Variants in METTL15 observed in about 807,000 individuals in gnomAD.
The protein encoded by METTL15 is 12S rRNA N(4)-cytidine methyltransferase METTL15.
In METTL15, 34 loss-of-function variants were observed where a neutral mutation model predicts 38.3. The ratio of observed to expected loss-of-function variants is 0.89; its 90% CI spans 0.68 to 1.18. The LOEUF (loss-of-function observed/expected upper bound fraction) is 1.18, where lower values mean the gene tolerates loss of function less well. Ranked by LOEUF, METTL15 falls within the 50% of genes most tolerant of loss-of-function variation. The pLI is 0.00. For missense variants in METTL15, 438 were observed against 498.4 expected, an observed-to-expected ratio of 0.88 and a Z score of 1.15; for synonymous variants, 162 against 170.9, an observed-to-expected ratio of 0.95 and a Z score of 0.41.
At chr11:28,380,593 C>A (rs1195940959) in intron 5 of METTL15, among the ~76,000 whole-genome samples, 3 of 152,064 alleles carry the variant, frequency 2.0e-5, no homozygotes, top group Non-Finnish European at 2.9e-5. Context: ...TTTTCTCTAG[C>A]AGCATGTTTT....
At chr11:28,261,919 A>G (rs546411702) in intron 4 of METTL15, among the ~76,000 whole-genome samples, 3 of 152,204 alleles carry the variant, frequency 2.0e-5, no homozygotes, top group Non-Finnish European at 4.4e-5. Context: ...ATTGCTGTCT[A>G]TGTTTTTGTA....
chr11:28,489,879 C>T (rs1002021396), intron 6 of METTL15, among the ~76,000 whole-genome samples: 2 of 152,096 alleles, frequency 1.3e-5, no homozygotes, highest in Non-Finnish European at 2.9e-5. Context: ...ATTCTGTGAG[C>T]GCCCCTGGAC....
chr11:28,183,682 G>T (rs548079355), intron 3 of METTL15, among the ~76,000 whole-genome samples: 90 of 152,066 alleles, frequency 5.9e-4, no homozygotes, highest in African/African-American at 2.1e-3. Context: ...GAGGATTTTC[G>T]CATTGAAGTT....
chr11:28,168,445 ACAAT>A (rs904351926), intron 3 of METTL15, among the ~76,000 whole-genome samples: 8 of 151,792 alleles, frequency 5.3e-5, no homozygotes, highest in Non-Finnish European at 7.4e-5. Flanking sequence ...TTTAGAGCAA[ACAAT>A]CAGTAGTTTA....
chr11:28,502,379 A>C (rs1221068696), intron 6 of METTL15, among the ~76,000 whole-genome samples: 1 of 152,216 alleles, frequency 6.6e-6, no homozygotes, highest in Admixed American at 6.5e-5. Flanking sequence ...GTAGCATGGA[A>C]GAAGCCATAA....
At chr11:28,244,509 A>G (rs1854432157) in intron 4 of METTL15, among the ~76,000 whole-genome samples, 1 of 152,122 alleles carries the variant, frequency 6.6e-6, no homozygotes. Context: ...TCTCAGGTCA[A>G]TATAAATTCC....
chr11:28,483,554 T>C (rs1244780621), intron 6 of METTL15, among the ~76,000 whole-genome samples: 1 of 152,208 alleles, frequency 6.6e-6, no homozygotes, highest in African/African-American at 2.4e-5. Flanking sequence ...AGGAGGGATC[T>C]GCAAACTTTC....
intron 6 of METTL15, among the ~76,000 whole-genome samples, chr11:28,329,322 A>T (rs1169525188): frequency 6.6e-6 from 1 of 152,114 alleles, no homozygotes. Flanking sequence ...GTCTGTTGCT[A>T]TGCCAGTACC....
chr11:28,527,212 G>A (rs1261305074), downstream of METTL15, among the ~76,000 whole-genome samples: 2 of 152,152 alleles, frequency 1.3e-5, no homozygotes, highest in Non-Finnish European at 1.5e-5. Context: ...AACAAATTTA[G>A]TTAGTTACTT....
chr11:28,527,892 G>T (rs949753404), downstream of METTL15, among the ~76,000 whole-genome samples: 1 of 152,044 alleles, frequency 6.6e-6, no homozygotes, highest in Non-Finnish European at 1.5e-5. Context: ...ATAATTCCAG[G>T]TCTGGCATTA....
At chr11:28,527,348 A>G (rs1851819327), downstream of METTL15, among the ~76,000 whole-genome samples, 1 of 152,202 alleles carries the variant, frequency 6.6e-6, no homozygotes, top group Admixed American at 6.5e-5. Context: ...TGGCTTTGTT[A>G]TCTTGGGTTA....
chr11:28,248,081 T>C (rs1432523126), intron 4 of METTL15, among the ~76,000 whole-genome samples: 1 of 152,120 alleles, frequency 6.6e-6, no homozygotes, highest in Non-Finnish European at 1.5e-5. Flanking sequence ...AATCTTATCA[T>C]CCACTGGTTT....
At chr11:28,243,084 A>C (rs1425459231) in intron 4 of METTL15, among the ~76,000 whole-genome samples, 1 of 151,526 alleles carries the variant, frequency 6.6e-6, no homozygotes, top group Non-Finnish European at 1.5e-5. Flanking sequence ...TGGAGTGTAA[A>C]AAAAAAAAAA....
intron 6 of METTL15, among the ~76,000 whole-genome samples, chr11:28,300,718 A>G (rs1856884578): frequency 6.6e-6 from 1 of 152,210 alleles, no homozygotes; most frequent in Admixed American, 6.5e-5. Flanking sequence ...ACTGGCCGTG[A>G]ATCTTAATAT....
intron 5 of METTL15, among the ~76,000 whole-genome samples, chr11:28,406,013 T>C (rs1239798170): frequency 6.6e-6 from 1 of 152,198 alleles, no homozygotes; most frequent in Non-Finnish European, 1.5e-5. Context: ...TAACATAGAC[T>C]TGTAGTATTG....
intron 4 of METTL15, among the ~76,000 whole-genome samples, chr11:28,218,686 G>C (rs1054600859): frequency 6.6e-6 from 1 of 152,126 alleles, no homozygotes; most frequent in East Asian, 1.9e-4. Context: ...TATGATATTG[G>C]CTGTGGGGTT....
intron 3 of METTL15, among the ~76,000 whole-genome samples, chr11:28,128,019 C>G (rs904338375): frequency 4.6e-5 from 7 of 152,108 alleles, no homozygotes; most frequent in Non-Finnish European, 1.0e-4. Context: ...GCAACACCCA[C>G]TTGAGTCTGA....
intron 3 of METTL15, among the ~76,000 whole-genome samples, chr11:28,340,213 G>A (rs899081730): frequency 6.6e-6 from 1 of 151,648 alleles, no homozygotes; most frequent in African/African-American, 2.4e-5. Flanking sequence ...TATAATTTTG[G>A]TGACAAGGCA....
intron 6 of METTL15, among the ~76,000 whole-genome samples, chr11:28,501,789 G>T (rs1382520453): frequency 1.3e-5 from 2 of 152,016 alleles, no homozygotes; most frequent in Non-Finnish European, 2.9e-5. Flanking sequence ...GAACCCTGAG[G>T]GTACCATGTG....
Sources: gnomAD v4.1 joint callset for allele counts (sites outside exome capture counted in the v4.1 genomes callset) on GRCh38, gnomAD v4.1.1 for gene constraint, MANE v1.5 for transcripts, NCBI Gene and HGNC (gene_info 2026-07-23, HGNC 2026-07-21) for gene names.